GLB1L2: variants seen among roughly 807,000 people sequenced by gnomAD.
GLB1L2 encodes the protein beta-galactosidase-1-like protein 2.
GLB1L2 carries 68 observed loss-of-function variants against 84.1 expected under a neutral mutation model. The ratio of observed to expected loss-of-function variants is 0.81; its 90% CI spans 0.67 to 0.99. GLB1L2 has a LOEUF of 0.99. Among genes scored for constraint, GLB1L2 ranks in the 50% least tolerant of loss-of-function variants. GLB1L2 has a pLI of 0.00. For synonymous variants in GLB1L2, 290 were observed against 318.0 expected, an observed-to-expected ratio of 0.91 and a Z score of 0.94; for missense variants, 762 against 805.6, an observed-to-expected ratio of 0.95 and a Z score of 0.66.
chr11:134,350,181 C>A (rs1223309956), intron 5 of GLB1L2, among the ~76,000 whole-genome samples: 1 of 152,154 alleles, frequency 6.6e-6, no homozygotes, highest in Non-Finnish European at 1.5e-5. Context: ...CATCCTAGCT[C>A]CAGGAGTTGC....
chr11:134,359,206 G>A (rs1040338074), intron 7 of GLB1L2, 65 bp downstream of exon 7: 9 of 1,137,824 alleles, frequency 7.9e-6, no homozygotes, highest in African/African-American at 4.7e-5. Flanking sequence ...GCACGCTCCC[G>A]CTGTGGGACT....
At chr11:134,364,446 A>G (rs762168887) in intron 8 of GLB1L2, 48 bp downstream of exon 8, 14 of 1,460,910 alleles carry the variant, frequency 9.6e-6, no homozygotes, top group South Asian at 4.7e-5. Flanking sequence ...TCAGCGGCCT[A>G]TGGGAATTCT....
chr11:134,359,141 G>T lies in GLB1L2; in HGVS notation c.733G>T (p.Val245Phe). The T allele has an allele frequency of 1.3e-6, 2 of 1,596,482 alleles. No individual in the cohort carries two copies. Among genetic ancestry groups the T allele is most frequent in the Non-Finnish European group, 8.5e-7 (1 of 1,171,040 alleles). ...DGLSKGIVQG[V>F]LATINLQSTH... ...GCTGAGCAAGGGGATTGTCCAGGGAGGTAACTGCACTTGTGTTGGGCCGTG... is the reference window on the plus strand; with the variant it reads ...GCTGAGCAAGGGGATTGTCCAGGGATGTAACTGCACTTGTGTTGGGCCGTG... Residue 245 changes from valine (V) to phenylalanine (F), a missense_variant and splice_region_variant, in exon 7 of 19, where the codon GTC (valine) becomes TTC (phenylalanine). Coordinates refer to ENST00000535456, the MANE Select transcript of GLB1L2 (RefSeq NM_001370461.1).
At chr11:134,352,324 G>T (rs1365744526) in intron 5 of GLB1L2, among the ~76,000 whole-genome samples, 3 of 152,036 alleles carry the variant, frequency 2.0e-5, no homozygotes. Flanking sequence ...GATTTTAGTT[G>T]AGTCATATCT....
In GLB1L2 at chr11:134,370,266, G is replaced by T; in HGVS notation, c.1109-27G>T. On this transcript the variant is annotated intron_variant, in intron 11 of 18. Transcript: ENST00000535456. The surrounding 1 kb of genome is among the most constrained non-coding windows in gnomAD (Gnocchi z 4.7). ...CAGGCAGTGACATTTGGGTCCGTTG[G>T]GGGTGACCCTGTTTTCTGTGTTGCA... 1 of 1,594,452 alleles carries T rather than the reference G, an allele frequency of 6.3e-7. No homozygotes were observed. Among genetic ancestry groups the T allele is most frequent in the Non-Finnish European group, 8.6e-7 (1 of 1,162,262 alleles).
At position 134,370,153 on chromosome 11, in the gene GLB1L2, G is replaced by A. The variant is rs907840606; in HGVS notation, c.1109-140G>A. On this transcript the variant is annotated intron_variant, in intron 11 of 18. Coordinates refer to ENST00000535456, the MANE Select transcript of GLB1L2 (RefSeq NM_001370461.1). This position sits in a 1 kb window ranked among gnomAD's most constrained non-coding sequence, Gnocchi z 4.7. ...TGGCCTTCCTCCCTGGCCTCAGCAG[G>A]TGCTGAGAGCTAGCCTGTTGTTCCT... 15 of 793,274 alleles carry A rather than the reference G, an allele frequency of 1.9e-5. No homozygotes were observed. Among genetic ancestry groups the A allele is most frequent in the Non-Finnish European group, 2.8e-5 (13 of 460,248 alleles). 49.1% of individuals were successfully genotyped at this position (793,274 alleles called of 1,614,324 possible).
chr11:134,370,916 G>A lies in GLB1L2; in HGVS notation c.1216-92G>A, dbSNP rs531523513. 193 of 1,440,012 alleles carry A rather than the reference G, an allele frequency of 1.3e-4. No homozygotes were observed. The highest frequency in any genetic ancestry group is 1.1e-3 in the African/African-American group (79 of 70,498). 89.2% of individuals were successfully genotyped at this position (1,440,012 alleles called of 1,614,324 possible). A position where few individuals can be genotyped will look rare whatever the true frequency, so the allele number is the denominator to read the frequency against. On this transcript the variant is annotated intron_variant, in intron 12 of 18. Coordinates refer to ENST00000535456, the MANE Select transcript of GLB1L2 (RefSeq NM_001370461.1). The surrounding 1 kb of genome is among the most constrained non-coding windows in gnomAD (Gnocchi z 4.7). ...AGTAGAAAACACCCACCAAACCTCC[G>A]CTTCCACCCCATGTGCCAGCCCCCA...
At chr11:134,332,296 G>A (rs1040729116) in intron 1 of GLB1L2, 149 bp downstream of exon 1, 55 of 557,674 alleles carry the variant, frequency 9.9e-5, no homozygotes, top group Non-Finnish European at 1.6e-4. Flanking sequence ...CAATACCCCC[G>A]AGTTCCCCTG....
Position 134,347,307 on chromosome 11 carries a change from C to T in GLB1L2, c.450-18C>T. 1 of 1,589,380 alleles carries T rather than the reference C, an allele frequency of 6.3e-7. No individual in the cohort carries two copies. Among genetic ancestry groups the T allele is most frequent in the South Asian group, 1.1e-5 (1 of 90,522 alleles). ...CTGTGACACTAACATCCTTCCTTTC[C>T]CCCGTTTACACTTCAAGCTGGCTAC... On this transcript the variant is annotated intron_variant, in intron 4 of 18. Transcript: ENST00000535456.
At chr11:134,371,877 C>G in intron 15 of GLB1L2, 47 bp downstream of exon 15, 1 of 1,566,230 alleles carries the variant, frequency 6.4e-7, no homozygotes, top group Non-Finnish European at 8.8e-7. Flanking sequence ...GCTGGACACA[C>G]AGGTGGCTAT....
chr11:134,358,987 A>G lies in GLB1L2; in HGVS notation c.652-73A>G, dbSNP rs147438844. The G allele has an allele frequency of 1.4e-4, 150 of 1,048,356 alleles. 4 individuals carry two copies. The African/African-American group carries it at 1.9e-3, about 13-fold the overall frequency. The allele number at this position is 1,048,356 out of a possible 1,614,324, so 64.9% of individuals were successfully genotyped here. ...TCCTTCTAGCTCTTCAGGCTACCCA[A>G]CTGCAGCTGTGTGTCACTGCAGAAG... is the stretch of plus-strand genomic sequence containing the variant. On this transcript the variant is annotated intron_variant, in intron 6 of 18. Transcript: ENST00000535456.
intron 1 of GLB1L2, among the ~76,000 whole-genome samples, chr11:134,336,723 A>G (rs1226007358): frequency 2.0e-5 from 3 of 152,170 alleles, no homozygotes; most frequent in Non-Finnish European, 4.4e-5. Flanking sequence ...CATCTCTTGT[A>G]TATCTTCATA....
At chr11:134,352,235 C>T (rs774972240) in intron 5 of GLB1L2, among the ~76,000 whole-genome samples, 10 of 151,990 alleles carry the variant, frequency 6.6e-5, no homozygotes, top group Non-Finnish European at 8.8e-5. Context: ...AATTTGTTGG[C>T]GTACAATTTG....
At position 134,374,254 on chromosome 11, in the gene GLB1L2, G is replaced by T. The variant is rs752406763; in HGVS notation, c.1705G>T (p.Glu569Ter). The T allele has an allele frequency of 5.6e-6, 9 of 1,605,642 alleles. No homozygotes were observed. The highest frequency in any genetic ancestry group is 7.7e-6 in the Non-Finnish European group (9 of 1,172,290). Residue 569 changes from glutamate to a stop codon, truncating the protein, a stop_gained and splice_region_variant, in exon 17 of 19, where the codon GAG becomes TAG. Transcript: ENST00000535456. LOFTEE classifies it high-confidence loss of function. ...STPCDTFLKL[E>*]GWEKGVVFIN... ...CCCTTGTGACACCTTTCTGAAGCTG[G>T]AGGTTGGTAACGCCCTTTTCCCTGC...
intron 8 of GLB1L2, 145 bp downstream of exon 8, chr11:134,364,543 G>T (rs1591622144): frequency 1.5e-6 from 1 of 675,996 alleles, no homozygotes; most frequent in East Asian, 2.6e-5. Flanking sequence ...ATGCCACTGT[G>T]TGCCTGCAAG....
intron 7 of GLB1L2, among the ~76,000 whole-genome samples, chr11:134,364,117 G>A (rs1267672355): frequency 2.6e-5 from 4 of 152,188 alleles, no homozygotes; most frequent in African/African-American, 9.7e-5. Flanking sequence ...CTGGCCTCAA[G>A]TGATCCACCT....
chr11:134,363,056 A>T (rs1388426552), intron 7 of GLB1L2, among the ~76,000 whole-genome samples: 1 of 152,076 alleles, frequency 6.6e-6, no homozygotes, highest in African/African-American at 2.4e-5. Flanking sequence ...GCTTGTGTTC[A>T]CTTAGCCCTG....
chr11:134,340,779 C>T (rs1242108117), intron 1 of GLB1L2, among the ~76,000 whole-genome samples: 3 of 152,196 alleles, frequency 2.0e-5, no homozygotes, highest in African/African-American at 7.2e-5. Flanking sequence ...TGGCTGTGTG[C>T]CAATACAATG....
intron 4 of GLB1L2, chr11:134,346,867 G>A: frequency 1.8e-5 from 3 of 170,848 alleles, no homozygotes; most frequent in South Asian, 2.9e-4. Flanking sequence ...GGCAAGGATG[G>A]GGACTGCCTC....
Sources: gnomAD v4.1 joint callset for allele counts (sites outside exome capture counted in the v4.1 genomes callset) on GRCh38, gnomAD v4.1.1 for gene constraint, Gnocchi (gnomAD v3.1) non-coding constraint, MANE v1.5 for transcripts, NCBI Gene and HGNC (gene_info 2026-07-23, HGNC 2026-07-21) for gene names.